KLC3: variants seen among roughly 807,000 people sequenced by gnomAD.
The protein encoded by KLC3 is kinesin light chain 2.
In KLC3, 72 loss-of-function variants were observed where a neutral mutation model predicts 62.9. The observed-to-expected ratio is 1.15, with a 90% CI of 0.95 to 1.39. The LOEUF is 1.39. KLC3 is among the 40% of genes most tolerant of loss of function. The pLI, the probability that KLC3 is intolerant of heterozygous loss-of-function variation, is 0.00. For missense variants in KLC3, 848 were observed against 691.6 expected, an observed-to-expected ratio of 1.23 and a Z score of -2.54; for synonymous variants, 377 against 300.5, an observed-to-expected ratio of 1.25 and a Z score of -2.63.
intron 1 of KLC3, among the ~76,000 whole-genome samples, chr19:45,341,568 T>TGTGTGTGC (rs1011960793): frequency 7.4e-6 from 1 of 134,698 alleles, no homozygotes; most frequent in African/African-American, 2.6e-5. Context: ...TGTGTGTGTG[T>TGTGTGTGC]GTGTGTGTGT....
intron 12 of KLC3, 115 bp from the exon 13 acceptor site, chr19:45,351,159 TGGGTTTTACTTG>T (rs1222211782): frequency 3.8e-6 from 6 of 1,590,422 alleles, no homozygotes. Context: ...GGAGCAAAGA[TGGGTTTTACTTG>T]GGGTAGAGGC....
chr19:45,341,937 G>GA (rs1971405511), intron 1 of KLC3, among the ~76,000 whole-genome samples: 1 of 152,042 alleles, frequency 6.6e-6, no homozygotes, highest in South Asian at 2.1e-4. Context: ...TGACAGGATG[G>GA]AAAAGGGGGT....
chr19:45,345,324 G>A (rs1370137119), intron 1 of KLC3: 13 of 656,200 alleles, frequency 2.0e-5, no homozygotes, highest in South Asian at 1.9e-4. Flanking sequence ...AGGTAGACAA[G>A]ACTGTTCCAG....
chr19:45,350,907 G>A (rs909770584), intron 11 of KLC3, 47 bp from the exon 12 acceptor site: 3 of 1,593,274 alleles, frequency 1.9e-6, no homozygotes, highest in East Asian at 2.2e-5. Flanking sequence ...CGTGGAGGGG[G>A]GCCACTCCTG....
intron 3 of KLC3, 53 bp downstream of exon 3, chr19:45,346,827 A>C: frequency 6.8e-7 from 1 of 1,469,330 alleles, no homozygotes; most frequent in Non-Finnish European, 9.2e-7. Flanking sequence ...AGAGCCCCAC[A>C]GTCCCCCAGA....
chr19:45,341,338 CGA>C (rs1179212654), intron 1 of KLC3, among the ~76,000 whole-genome samples: 1 of 151,986 alleles, frequency 6.6e-6, no homozygotes, highest in Non-Finnish European at 1.5e-5. Context: ...AAAACGTGGG[CGA>C]CCTCTGACTG....
intron 1 of KLC3, among the ~76,000 whole-genome samples, chr19:45,341,579 G>GTGTGTGTGCGCGCGCGCA (rs1394008746): frequency 2.3e-5 from 2 of 87,018 alleles, no homozygotes; most frequent in South Asian, 4.1e-4. Flanking sequence ...GTGTGTGTGT[G>GTGTGTGTGCGCGCGCGCA]CGCGCGCGCG....
chr19:45,347,348 A>AC (rs1483463748), intron 3 of KLC3, 99 bp from the exon 4 acceptor site: 2 of 889,786 alleles, frequency 2.2e-6, no homozygotes, highest in African/African-American at 1.7e-5. Context: ...CTCAAAAAAA[A>AC]AAAAAAAACA....
At chr19:45,344,254 C>A (rs1599705023) in intron 1 of KLC3, among the ~76,000 whole-genome samples, 1 of 148,940 alleles carries the variant, frequency 6.7e-6, no homozygotes, top group African/African-American at 2.5e-5. Context: ...CACTCTGTTG[C>A]CCAGGCTGGA....
At chr19:45,351,122 G>T in intron 12 of KLC3, 105 bp downstream of exon 12, 1 of 1,605,868 alleles carries the variant, frequency 6.2e-7, no homozygotes, top group Non-Finnish European at 8.5e-7. Context: ...GCAGGTGGTG[G>T]GTTGGTGTCA....
intron 3 of KLC3, 193 bp downstream of exon 3, chr19:45,346,967 C>A: frequency 1.8e-6 from 1 of 545,448 alleles, no homozygotes; most frequent in Non-Finnish European, 3.2e-6. Flanking sequence ...CCACAGACGC[C>A]CCCACTAGCT....
intron 1 of KLC3, among the ~76,000 whole-genome samples, chr19:45,342,852 T>C (rs1746114476): frequency 6.6e-6 from 1 of 152,226 alleles, no homozygotes; most frequent in South Asian, 2.1e-4. Flanking sequence ...GAGAGATCAA[T>C]GACGATCAAG....
intron 11 of KLC3, 77 bp downstream of exon 11, chr19:45,350,824 G>C: frequency 9.6e-7 from 1 of 1,039,254 alleles, no homozygotes; most frequent in East Asian, 2.9e-5. Context: ...CCCCCATCTT[G>C]CTCAAGAACC....
intron 12 of KLC3, 129 bp from the exon 13 acceptor site, chr19:45,351,157 G>A: frequency 6.3e-7 from 1 of 1,592,066 alleles, no homozygotes; most frequent in East Asian, 2.2e-5. Context: ...CAGGAGCAAA[G>A]ATGGGTTTTA....
In KLC3 at chr19:45,347,535, T is replaced by C; in HGVS notation, c.559+19T>C. 1.3e-6 allele frequency: 2 copies of C among 1,599,954 alleles called. No individual in the cohort carries two copies. The highest frequency in any genetic ancestry group is 1.7e-6 in the Non-Finnish European group (2 of 1,172,680). On this transcript the variant is annotated intron_variant, in intron 4 of 12. Coordinates refer to ENST00000391946, the MANE Select transcript of KLC3 (RefSeq NM_177417.3). ...AGGAAAGGTGGGTGTTGGGAGTACA[T>C]GCCACAGAGGATGGCAGGCCAGGGT...
chr19:45,349,708 C>T lies in KLC3; in HGVS notation c.1143+106C>T, dbSNP rs1971622781. On this transcript the variant is annotated intron_variant, in intron 8 of 12. Transcript: ENST00000391946. ...AGCAACGTGAGGGTGGGGGGGGGCC[C>T]CCCAGGCCGGGCCCTTGGAGCAAGT... The T allele has an allele frequency of 2.6e-6, 3 of 1,132,460 alleles. No homozygotes were observed. The East Asian group carries it at 7.9e-5, about 30-fold the overall frequency. The allele number at this position is 1,132,460 out of a possible 1,614,324, so 70.2% of individuals were successfully genotyped here.
rs1323538728 is a variant in KLC3 at position 45,348,801 on chromosome 19, G to A, written c.868-19G>A. 2 of 1,562,354 alleles carry A rather than the reference G, an allele frequency of 1.3e-6. No homozygotes were observed. Among genetic ancestry groups the A allele is most frequent in the Non-Finnish European group, 1.7e-6 (2 of 1,153,138 alleles). On this transcript the variant is annotated intron_variant, in intron 6 of 12. Coordinates refer to ENST00000391946, the MANE Select transcript of KLC3 (RefSeq NM_177417.3). Reference sequence around the variant, plus strand: ...CCACACCTGCCCATCCCTGACCTGTGCCTCCCCCAACCCCGCAGGTGGCCG... The same window carrying A: ...CCACACCTGCCCATCCCTGACCTGTACCTCCCCCAACCCCGCAGGTGGCCG...
chr19:45,343,159 T>G (rs1007214307), intron 1 of KLC3, among the ~76,000 whole-genome samples: 4 of 151,952 alleles, frequency 2.6e-5, no homozygotes, highest in South Asian at 4.2e-4. Context: ...AGTGTGTGCA[T>G]CTGGAGGTGC....
chr19:45,343,493 G>A (rs911234216), intron 1 of KLC3, among the ~76,000 whole-genome samples: 3 of 151,956 alleles, frequency 2.0e-5, no homozygotes, highest in Non-Finnish European at 4.4e-5. Flanking sequence ...ATACCACCAT[G>A]CCTGGCTAAT....
Sources: allele counts gnomAD v4.1 joint callset (sites outside exome capture counted in the v4.1 genomes callset), GRCh38; gene constraint gnomAD v4.1.1; transcripts MANE v1.5; gene names NCBI Gene and HGNC (gene_info 2026-07-23, HGNC 2026-07-21).